SLC1A7: variants seen among roughly 807,000 people sequenced by gnomAD.
The protein encoded by SLC1A7 is solute carrier family 1 member 7.
In SLC1A7, 40 loss-of-function variants were observed where a neutral mutation model predicts 47.7. The observed-to-expected ratio is 0.84, with a 90% CI of 0.65 to 1.09. The LOEUF (loss-of-function observed/expected upper bound fraction) is 1.09. SLC1A7 is among the 50% of genes least tolerant of loss of function. The probability of loss-of-function intolerance (pLI) is 0.00; values close to 1 mark genes in which losing one functional copy is unlikely to be tolerated. For synonymous variants in SLC1A7, 323 were observed against 325.6 expected, an observed-to-expected ratio of 0.99 and a Z score of 0.09; for missense variants, 746 against 769.5, an observed-to-expected ratio of 0.97 and a Z score of 0.36.
intron 3 of SLC1A7, among the ~76,000 whole-genome samples, chr1:53,110,482 A>T (rs886715412): frequency 3.9e-5 from 6 of 152,100 alleles, no homozygotes; most frequent in African/African-American, 7.2e-5. Context: ...AAGCAGCAGG[A>T]TCAGTTTTCA....
intron 6 of SLC1A7, 77 bp from the exon 7 acceptor site, chr1:53,092,864 G>A (rs1420730615): frequency 8.3e-6 from 8 of 967,670 alleles, no homozygotes; most frequent in Admixed American, 1.8e-5. Flanking sequence ...ATCGCTGCGC[G>A]GCCTTCCCCC....
chr1:53,139,017 G>A (rs1371243286), intron 1 of SLC1A7, among the ~76,000 whole-genome samples: 1 of 151,996 alleles, frequency 6.6e-6, no homozygotes, highest in Non-Finnish European at 1.5e-5. Flanking sequence ...TTTTCTCTTT[G>A]TTTCTCTCAT....
intron 2 of SLC1A7, among the ~76,000 whole-genome samples, chr1:53,132,182 C>T (rs564643200): frequency 6.6e-6 from 1 of 152,154 alleles, no homozygotes; most frequent in Non-Finnish European, 1.5e-5. Context: ...GTTGATTCTA[C>T]ATGTCATGGA....
chr1:53,142,277 TCCTGGA>T, intron 1 of SLC1A7, 32 bp downstream of exon 1: 1 of 1,545,694 alleles, frequency 6.5e-7, no homozygotes, highest in Non-Finnish European at 8.7e-7. Flanking sequence ...CACACGCCCC[TCCTGGA>T]CAGGGGTCCC....
rs747628749 is a variant in SLC1A7, at chr1:53,103,432, G to A, written c.611C>T (p.Pro204Leu). 15 of 1,612,212 alleles carry A rather than the reference G, an allele frequency of 9.3e-6. No individual in the cohort carries two copies. In the East Asian group the frequency reaches 1.3e-4, roughly 14 times the overall value. Reference protein sequence around the residue: ...HVQNFALDLTPPPEVVYKSEP... With the variant: ...HVQNFALDLTLPPEVVYKSEP... ...TGACTTGTAAACGACCTCGGGCGGC[G>A]GGGTCAGGTCCAGGGCGAAGTTCTG... The change falls in exon 5 of 11, where the codon CCG becomes CTG. Residue 204 changes from proline (P) to leucine (L), a missense_variant. Pro to Leu is a moderately conservative substitution (Grantham distance 98). Coordinates refer to ENST00000371494, the MANE Select transcript of SLC1A7 (RefSeq NM_006671.6).
Position 53,103,582 on chromosome 1 carries a change from C to A in SLC1A7, c.475-14G>T. The A allele has an allele frequency of 2.0e-6, 3 of 1,512,962 alleles. No individual in the cohort carries two copies. The highest frequency in any genetic ancestry group is 2.7e-6 in the Non-Finnish European group (3 of 1,117,040). The allele number at this position is 1,512,962 out of a possible 1,614,324, so 93.7% of individuals were successfully genotyped here. A position where few individuals can be genotyped will look rare whatever the true frequency, so the allele number is the denominator to read the frequency against. ...CTTGGTGCGGTACTGGTGGGTGACA[C>A]CCCACCCAGAGAGAAGTCAGGGCCA... On this transcript the variant is annotated splice_polypyrimidine_tract_variant and intron_variant, in intron 4 of 10. Transcript: ENST00000371494.
At position 53,088,869 on chromosome 1, in the gene SLC1A7, G is replaced by T. The variant is rs1467247104; in HGVS notation, c.1464+8C>A. On this transcript the variant is annotated splice_region_variant and intron_variant, in intron 10 of 10. Transcript: ENST00000371494. Reference sequence around the variant, plus strand: ...CTCCTGGCAGCCTCTGGATCTCACTGCTCTCACCTCGGTGCCTGTGTCCCG... The same window carrying T: ...CTCCTGGCAGCCTCTGGATCTCACTTCTCTCACCTCGGTGCCTGTGTCCCG... 6.2e-7 allele frequency: 1 copy of T among 1,611,012 alleles called. No individual in the cohort carries two copies. Among genetic ancestry groups the T allele is most frequent in the East Asian group, 2.2e-5 (1 of 44,848 alleles).
intron 1 of SLC1A7, among the ~76,000 whole-genome samples, chr1:53,136,651 AT>A (rs1448113023): frequency 0.02 from 1,018 of 51,204 alleles, 18 homozygotes; most frequent in Admixed American, 0.035. Context: ...ACATATATAT[AT>A]TATATATATA....
chr1:53,090,599 T>C lies in SLC1A7; in HGVS notation c.1226+13A>G, dbSNP rs1157600495. On this transcript the variant is annotated intron_variant, in intron 8 of 10. Transcript: ENST00000371494. ...CCCCGCCCCATCCACCCAGGTGCAG[T>C]GTCAGGGTGCACCTGATGGTGATGA... 4.5e-6 allele frequency: 7 copies of C among 1,563,316 alleles called. No homozygotes were observed. The African/African-American group carries it at 5.4e-5, about 12-fold the overall frequency.
chr1:53,140,426 T>G (rs1385125966), intron 1 of SLC1A7, among the ~76,000 whole-genome samples: 1 of 152,076 alleles, frequency 6.6e-6, no homozygotes, highest in Non-Finnish European at 1.5e-5. Flanking sequence ...AGTTGAGCGT[T>G]CTCTCTGTGC....
At position 53,090,689 on chromosome 1, in the gene SLC1A7, G is replaced by C. The variant is rs1644410842; in HGVS notation, c.1149C>G (p.Leu383=). Residue 383 remains leucine (L), a synonymous_variant, in exon 8 of 11, where the codon CTC becomes CTG. Coordinates refer to ENST00000371494, the MANE Select transcript of SLC1A7 (RefSeq NM_006671.6). ...TGAAGATGGCGGCCACAGCCTCGTA[G>C]AGCGCAGTGCCGTCCATGTTGATGG... ...GATINMDGTA[L]YEAVAAIFIA... The C allele has an allele frequency of 6.2e-7, 1 of 1,613,992 alleles. No individual in the cohort carries two copies. The highest frequency in any genetic ancestry group is 2.2e-5 in the East Asian group (1 of 44,884).
At chr1:53,135,824 G>A (rs1331436351) in intron 1 of SLC1A7, among the ~76,000 whole-genome samples, 1 of 152,182 alleles carries the variant, frequency 6.6e-6, no homozygotes, top group African/African-American at 2.4e-5. Flanking sequence ...GAGGTTGTGG[G>A]CGAGGCAGGC....
At chr1:53,139,324 C>T (rs1645032501) in intron 1 of SLC1A7, among the ~76,000 whole-genome samples, 1 of 152,202 alleles carries the variant, frequency 6.6e-6, no homozygotes, top group Non-Finnish European at 1.5e-5. Flanking sequence ...GACATGGTGC[C>T]TAAGCTCAGC....
chr1:53,098,567 T>C (rs947891528), intron 5 of SLC1A7, among the ~76,000 whole-genome samples: 2 of 143,802 alleles, frequency 1.4e-5, no homozygotes, highest in Non-Finnish European at 3.0e-5. Context: ...CTCAGCATAC[T>C]CACACACCCT....
chr1:53,093,414 TCCAC>T (rs1644447516), intron 6 of SLC1A7, 43 bp downstream of exon 6: 1 of 1,409,062 alleles, frequency 7.1e-7, no homozygotes, highest in African/African-American at 1.4e-5. Flanking sequence ...CTTCCCTCCA[TCCAC>T]CCAGGGCTGG....
intron 2 of SLC1A7, among the ~76,000 whole-genome samples, chr1:53,120,493 G>A (rs1644807189): frequency 6.6e-6 from 1 of 152,122 alleles, no homozygotes; most frequent in Admixed American, 6.5e-5. Flanking sequence ...CCCTGGGGCT[G>A]GGCCGCTCTC....
At position 53,131,656 on chromosome 1, in the gene SLC1A7, A is replaced by G. The variant is rs1572347453; in HGVS notation, c.215+2694T>C. Among the ~76,000 whole-genome samples the G allele has an allele frequency of 2.0e-5, 3 of 152,384 alleles. No individual in the cohort carries two copies. In the East Asian group the frequency reaches 5.8e-4, roughly 29 times the overall value. The stretch of plus-strand genomic sequence containing the variant: ...ACAGGGCCAAGTGTCCAGAAAGCAC[A>G]ATGCATGATTGCAGGATCCATTAAT... On this transcript the variant is annotated intron_variant, in intron 2 of 10. Coordinates refer to ENST00000371494, the MANE Select transcript of SLC1A7 (RefSeq NM_006671.6).
chr1:53,092,696 A>T lies in SLC1A7; in HGVS notation c.889T>A (p.Ser297Thr), dbSNP rs771942460. 2 of 1,614,064 alleles carry T rather than the reference A, an allele frequency of 1.2e-6. No individual in the cohort carries two copies. The highest frequency in any genetic ancestry group is 2.2e-5 in the South Asian group (2 of 91,080). ...ACCAGCCCGCACACCACGGTGACTG[A>T]GTAGAAGCCCAGCTTCTTGCCGACG... ...RAVGKKLGFY[S>T]VTVVCGLVLH... Residue 297 changes from serine (S) to threonine (T), a missense_variant, in exon 7 of 11, where the codon TCA (serine) becomes ACA (threonine). Transcript: ENST00000371494.
At chr1:53,134,151 C>T (rs74874579) in intron 2 of SLC1A7, among the ~76,000 whole-genome samples, 199 bp downstream of exon 2, 4,045 of 152,302 alleles carry the variant, frequency 0.027, 176 homozygotes, top group African/African-American at 0.091. Flanking sequence ...AAAAATTCTA[C>T]TGGATGGAAC....
Sources: allele counts gnomAD v4.1 joint callset (sites outside exome capture counted in the v4.1 genomes callset), GRCh38; gene constraint gnomAD v4.1.1; transcripts MANE v1.5; gene names NCBI Gene and HGNC (gene_info 2026-07-23, HGNC 2026-07-21).